The following NLRC5 variants were observed in gnomAD, a reference collection of about 807,000 sequenced individuals.
The protein encoded by NLRC5 is protein NLRC5.
In NLRC5, 114 loss-of-function variants were observed where a neutral mutation model predicts 206.9. The observed-to-expected ratio is 0.55, with a 90% CI of 0.47 to 0.64. The LOEUF (loss-of-function observed/expected upper bound fraction) is 0.64. Ranked by LOEUF, NLRC5 falls within the 30% of genes least tolerant of loss-of-function variation. The probability of loss-of-function intolerance (pLI) is 0.00; values close to 1 mark genes in which losing one functional copy is unlikely to be tolerated. For missense variants in NLRC5, 2,008 were observed against 2,305.5 expected (o/e 0.87, Z 2.64); for synonymous variants, 952 against 962.8 (o/e 0.99, Z 0.21).
At chr16:57,011,825 A>G (rs1371756443) in intron 1 of NLRC5, among the ~76,000 whole-genome samples, 1 of 151,790 alleles carries the variant, frequency 6.6e-6, no homozygotes, top group Non-Finnish European at 1.5e-5. Flanking sequence ...TACTATACAG[A>G]AAAAAAAGGC....
At chr16:57,006,229 C>T (rs144032256) in intron 1 of NLRC5, among the ~76,000 whole-genome samples, 1,829 of 151,952 alleles carry the variant, frequency 0.012, 16 homozygotes, top group Non-Finnish European at 0.018. Context: ...AAACTCCTGA[C>T]CTCAAGTGAT....
rs950176832 is a variant in NLRC5, at chr16:57,011,795, G to A, written c.-127-5279G>A. On this transcript the variant is annotated intron_variant, in intron 1 of 48. Transcript: ENST00000688547. ...AAACACTTCCCAGTTTGTTGCTTTC[G>A]TTTTGTTTGTTGCCATTTTTACTAT... Among the ~76,000 whole-genome samples, 10 of 151,004 alleles carry A rather than the reference G, an allele frequency of 6.6e-5. 1 individual carries two copies. Among genetic ancestry groups the A allele is most frequent in the South Asian group, 2.1e-4 (1 of 4,778 alleles).
Position 57,020,710 on chromosome 16 carries a change from C to T in NLRC5, c.-3C>T. The T allele has an allele frequency of 1.2e-6, 2 of 1,608,970 alleles. No individual in the cohort carries two copies. Among genetic ancestry groups the T allele is most frequent in the African/African-American group, 1.4e-5 (1 of 73,186 alleles). On this transcript the variant is annotated 5_prime_UTR_variant, in exon 3 of 49. Coordinates refer to ENST00000688547, the MANE Select transcript of NLRC5 (RefSeq NM_001384950.1). ...TTCCCTGTCCCTCCAGGGCTGGCTC[C>T]TCATGGACCCCGTTGGCCTCCAGCT...
intron 38 of NLRC5, among the ~76,000 whole-genome samples, chr16:57,073,133 C>T (rs2067976806): frequency 6.6e-6 from 1 of 152,182 alleles, no homozygotes; most frequent in East Asian, 1.9e-4. Flanking sequence ...AGCTGGGCAC[C>T]TGGGCCGGGG....
chr16:57,037,127 G>A (rs573426995), intron 14 of NLRC5, 68 bp from the exon 15 acceptor site: 2 of 1,285,644 alleles, frequency 1.6e-6, no homozygotes, highest in East Asian at 2.3e-5. Context: ...CACAGGGAGG[G>A]GCTAGAGCTG....
At chr16:57,070,004 A>T in intron 37 of NLRC5, 85 bp downstream of exon 37, 1 of 1,100,176 alleles carries the variant, frequency 9.1e-7, no homozygotes, top group Non-Finnish European at 1.3e-6. Flanking sequence ...TTGGGAGGGC[A>T]GGCAATGAGA....
chr16:57,067,511 G>T (rs749389890), intron 35 of NLRC5, 41 bp downstream of exon 35: 2 of 1,580,202 alleles, frequency 1.3e-6, no homozygotes, highest in African/African-American at 2.7e-5. Flanking sequence ...TGAGTTCTCT[G>T]GTTGACCCTG....
intron 26 of NLRC5, 63 bp from the exon 27 acceptor site, chr16:57,055,370 G>T (rs2065488628): frequency 2.0e-6 from 3 of 1,500,176 alleles, no homozygotes; most frequent in Non-Finnish European, 2.8e-6. Context: ...GGCTAGCCAG[G>T]CCGGAGGGGG....
intron 32 of NLRC5, chr16:57,062,235 A>G (rs1028318982): frequency 9.1e-6 from 4 of 439,040 alleles, no homozygotes; most frequent in African/African-American, 8.3e-5. Context: ...TCCAAAAAAT[A>G]AGGACATTTT....
In NLRC5 at chr16:57,077,334, A is replaced by C; in HGVS notation, c.4874A>C (p.His1625Pro). 1 of 1,614,086 alleles carries C rather than the reference A, an allele frequency of 6.2e-7. No homozygotes were observed. The highest frequency in any genetic ancestry group is 8.5e-7 in the Non-Finnish European group (1 of 1,179,990). Residue 1625 changes from histidine (H) to proline (P), a missense_variant, in exon 41 of 49, where the codon CAC becomes CCC. By Grantham distance (77) the His-to-Pro change is moderately conservative. Coordinates refer to ENST00000688547, the MANE Select transcript of NLRC5 (RefSeq NM_001384950.1). Reference sequence around the variant, plus strand: ...CAGATTGGAGACGCTGGTGTCCAGCACTTAGCTACCATCCTGCCTGGGCTG... The same window carrying C: ...CAGATTGGAGACGCTGGTGTCCAGCCCTTAGCTACCATCCTGCCTGGGCTG... Reference protein sequence around the residue: ...HNQIGDAGVQHLATILPGLPE... With the variant: ...HNQIGDAGVQPLATILPGLPE...
intron 32 of NLRC5, among the ~76,000 whole-genome samples, chr16:57,062,962 T>C (rs1186685808): frequency 6.6e-6 from 1 of 152,062 alleles, no homozygotes; most frequent in Non-Finnish European, 1.5e-5. Context: ...TCTCTATGAA[T>C]TGGACTGCTC....
chr16:57,033,179 T>C (rs921976565), intron 11 of NLRC5, among the ~76,000 whole-genome samples: 1 of 152,146 alleles, frequency 6.6e-6, no homozygotes, highest in African/African-American at 2.4e-5. Flanking sequence ...AGACAGCACA[T>C]CCACAAATGG....
In NLRC5 at chr16:57,039,802, C is replaced by T. The variant is rs1256419610; in HGVS notation, c.2823C>T (p.Ile941=). 1.2e-6 allele frequency: 2 copies of T among 1,614,180 alleles called. No homozygotes were observed. Among genetic ancestry groups the T allele is most frequent in the Non-Finnish European group, 1.7e-6 (2 of 1,180,030 alleles). ...LHISLQHKTV[I]FMFAQEPEEQ... Reference sequence around the variant, plus strand: ...ACAGCCTGCAGCACAAAACTGTGATCTTCATGTTTGCCCAGGAGCCAGAGG... The same window carrying T: ...ACAGCCTGCAGCACAAAACTGTGATTTTCATGTTTGCCCAGGAGCCAGAGG... Residue 941 remains isoleucine, a synonymous_variant, in exon 16 of 49, where the codon ATC becomes ATT. Coordinates refer to ENST00000688547, the MANE Select transcript of NLRC5 (RefSeq NM_001384950.1).
At position 57,061,648 on chromosome 16, in the gene NLRC5, G is replaced by T. The variant is rs754833931; in HGVS notation, c.4101G>T (p.Gln1367His). Residue 1367 changes from glutamine (Q) to histidine (H), a missense_variant, in exon 32 of 49, where the codon CAG becomes CAT. Coordinates refer to ENST00000688547, the MANE Select transcript of NLRC5 (RefSeq NM_001384950.1). ...CCCAGTGCTGCCTGGGCCAGAAGCA[G>T]CTGGCCATCCTCCTGAGCTTGGTGG... ...TLTQCCLGQKQLAILLSLVGR... is the reference protein window; with the variant it reads ...TLTQCCLGQKHLAILLSLVGR... The T allele has an allele frequency of 1.3e-5, 21 of 1,610,288 alleles. No individual in the cohort carries two copies. The highest frequency in any genetic ancestry group is 1.8e-5 in the Non-Finnish European group (21 of 1,179,338).
Position 57,066,619 on chromosome 16 carries a change from G to T in NLRC5, c.4322+5G>T, listed in dbSNP as rs112514274. The T allele has an allele frequency of 6.2e-7, 1 of 1,613,522 alleles. No individual in the cohort carries two copies. The highest frequency in any genetic ancestry group is 8.5e-7 in the Non-Finnish European group (1 of 1,179,634). On this transcript the variant is annotated splice_donor_5th_base_variant and intron_variant, in intron 34 of 48. Transcript: ENST00000688547. Reference sequence around the variant, plus strand: ...TCCAGAAGCTGTGGCACTCAGGTGGGACCCAGCACCAGGGACCCCAAGGCA... The same window carrying T: ...TCCAGAAGCTGTGGCACTCAGGTGGTACCCAGCACCAGGGACCCCAAGGCA...
intron 1 of NLRC5, among the ~76,000 whole-genome samples, chr16:56,993,118 T>C (rs561149024): frequency 5.8e-4 from 62 of 105,986 alleles, no homozygotes; most frequent in Non-Finnish European, 1.0e-3. Flanking sequence ...CACGTATATA[T>C]GTGTATATAT....
At chr16:57,053,405 C>T (rs776214626) in intron 24 of NLRC5, among the ~76,000 whole-genome samples, 1 of 152,044 alleles carries the variant, frequency 6.6e-6, no homozygotes, top group African/African-American at 2.4e-5. Context: ...CTGGCAGGGA[C>T]AGTCCTAGGA....
At chr16:57,024,408 A>G (rs1427276890) in intron 5 of NLRC5, among the ~76,000 whole-genome samples, 1 of 152,138 alleles carries the variant, frequency 6.6e-6, no homozygotes, top group Non-Finnish European at 1.5e-5. Context: ...CTCTGCCCCC[A>G]CTGCTGCCAA....
chr16:57,037,319 C>CA (rs1271149908), intron 15 of NLRC5, 35 bp downstream of exon 15: 16 of 1,574,582 alleles, frequency 1.0e-5, no homozygotes, highest in East Asian at 4.5e-5. Context: ...ACCCATCCCC[C>CA]CCCCCATCAT....
Sources: allele counts gnomAD v4.1 joint callset (sites outside exome capture counted in the v4.1 genomes callset), GRCh38; gene constraint gnomAD v4.1.1; transcripts MANE v1.5; gene names NCBI Gene and HGNC (gene_info 2026-07-23, HGNC 2026-07-21).